The following FMN1 variants were observed in gnomAD, a reference collection of about 807,000 sequenced individuals.
The protein encoded by FMN1 is formin 1.
A neutral mutation model predicts 132.4 loss-of-function variants in FMN1; 110 were observed. That is an observed-to-expected ratio of 0.83 (90% confidence interval 0.71 to 0.97). The LOEUF is 0.97. FMN1 is among the 50% of genes least tolerant of loss of function. FMN1 has a pLI of 0.00. For missense variants in FMN1, 1,792 were observed against 1,705.3 expected (o/e 1.05, Z -0.90); for synonymous variants, 722 against 651.7 (o/e 1.11, Z -1.64).
At position 32,776,898 on chromosome 15, in the gene FMN1, T is replaced by C. The variant is rs1432020162; in HGVS notation, c.4152A>G (p.Ser1384=). ...TCTTCTCTGAAGTCAACTTGCTGAC[T>C]GATTCCTGAGCCATTTTCAATCTGA... ...SKERLKMAQE[S]VSKLTSEKKV... Residue 1384 remains serine, a synonymous_variant, in exon 20 of 21, where the codon TCA becomes TCG. Transcript: ENST00000616417. 1.3e-6 allele frequency: 2 copies of C among 1,593,074 alleles called. No individual in the cohort carries two copies. Among genetic ancestry groups the C allele is most frequent in the Admixed American group, 3.5e-5 (2 of 57,564 alleles).
At chr15:32,901,352 GAGA>G (rs1349020195) in intron 13 of FMN1, among the ~76,000 whole-genome samples, 1 of 152,190 alleles carries the variant, frequency 6.6e-6, no homozygotes, top group Non-Finnish European at 1.5e-5. Context: ...AGTATTTGTG[GAGA>G]AGAATAACGT....
chr15:32,867,868 C>T (rs1165603590), intron 16 of FMN1, among the ~76,000 whole-genome samples: 1 of 152,180 alleles, frequency 6.6e-6, no homozygotes, highest in East Asian at 1.9e-4. Flanking sequence ...ATACCTTTCC[C>T]CTTTTCATGA....
At chr15:33,125,036 C>T in intron 4 of FMN1, among the ~76,000 whole-genome samples, 1 of 152,106 alleles carries the variant, frequency 6.6e-6, no homozygotes, top group Non-Finnish European at 1.5e-5. Context: ...TCTACTCTAT[C>T]ATGGAATGCT....
chr15:33,107,761 TAATG>T (rs1411816998), intron 4 of FMN1, among the ~76,000 whole-genome samples: 1 of 152,132 alleles, frequency 6.6e-6, no homozygotes, highest in Admixed American at 6.6e-5. Context: ...TGAAACTAAA[TAATG>T]AATGAGTCTC....
chr15:33,084,592 T>C (rs1355475040), intron 5 of FMN1, among the ~76,000 whole-genome samples: 2 of 152,162 alleles, frequency 1.3e-5, no homozygotes, highest in Non-Finnish European at 2.9e-5. Flanking sequence ...TACACTTGGG[T>C]CTCAGAATGT....
chr15:33,072,529 G>C (rs957015627), intron 5 of FMN1, among the ~76,000 whole-genome samples: 2 of 152,208 alleles, frequency 1.3e-5, no homozygotes, highest in Middle Eastern at 3.2e-3. Context: ...AGTATTTGTG[G>C]AGAATTTACT....
intron 7 of FMN1, among the ~76,000 whole-genome samples, chr15:32,989,512 T>C (rs1345025960): frequency 1.3e-5 from 2 of 151,984 alleles, no homozygotes; most frequent in Non-Finnish European, 2.9e-5. Context: ...AAAACCATAA[T>C]AATTCCCCAC....
At chr15:33,135,171 T>C (rs977212991) in intron 4 of FMN1, among the ~76,000 whole-genome samples, 6 of 152,198 alleles carry the variant, frequency 3.9e-5, no homozygotes, top group Non-Finnish European at 8.8e-5. Flanking sequence ...AGTGTCAAAA[T>C]TCACACAAAA....
chr15:33,006,766 A>G (rs2034440061), intron 7 of FMN1, among the ~76,000 whole-genome samples: 1 of 152,208 alleles, frequency 6.6e-6, no homozygotes, highest in Non-Finnish European at 1.5e-5. Context: ...AGAGAACATT[A>G]TGTTACGTGA....
chr15:33,066,366 T>C, intron 5 of FMN1: 2 of 738,086 alleles, frequency 2.7e-6, no homozygotes, highest in East Asian at 5.5e-5. Flanking sequence ...CCATACTCCT[T>C]ACAGGACAAT....
chr15:32,947,424 T>C (rs1213759826), intron 9 of FMN1, among the ~76,000 whole-genome samples: 2 of 152,110 alleles, frequency 1.3e-5, no homozygotes, highest in African/African-American at 2.4e-5. Flanking sequence ...GCCACTCTAC[T>C]AGCTCTTATT....
At chr15:32,788,646 C>T (rs931529992) in intron 19 of FMN1, among the ~76,000 whole-genome samples, 2 of 152,180 alleles carry the variant, frequency 1.3e-5, no homozygotes, top group African/African-American at 4.8e-5. Flanking sequence ...AGGAGTCCCA[C>T]AGATAAGTAA....
intron 6 of FMN1, among the ~76,000 whole-genome samples, chr15:33,060,292 C>T (rs1302660670): frequency 6.6e-6 from 1 of 152,148 alleles, no homozygotes; most frequent in African/African-American, 2.4e-5. Context: ...GCTATGAATG[C>T]AGAAATTAAA....
At position 32,963,627 on chromosome 15, in the gene FMN1, C is replaced by A. The variant is rs1021118562; in HGVS notation, c.3138+480G>T. On this transcript the variant is annotated intron_variant, in intron 9 of 20. Coordinates refer to ENST00000616417, the MANE Select transcript of FMN1 (RefSeq NM_001277313.2). ...CTGCAGGCCTGGAACAAATGCCTAG[C>A]ATGGTAAACCCCTAGGAAATACTTG... 5.3e-5 allele frequency among the ~76,000 whole-genome samples: 8 copies of A among 152,138 alleles called. 1 individual carries two copies. Among genetic ancestry groups the A allele is most frequent in the Non-Finnish European group, 1.0e-4 (7 of 68,032 alleles).
At chr15:33,080,547 G>A (rs1595427720) in intron 5 of FMN1, among the ~76,000 whole-genome samples, 3 of 152,274 alleles carry the variant, frequency 2.0e-5, no homozygotes, top group Admixed American at 2.0e-4. Context: ...GACGTCAGGA[G>A]TTCAAGACCA....
At chr15:33,127,080 G>GT (rs1555405510) in intron 4 of FMN1, among the ~76,000 whole-genome samples, 3 of 152,202 alleles carry the variant, frequency 2.0e-5, no homozygotes, top group Non-Finnish European at 4.4e-5. Flanking sequence ...TCCAGGCACT[G>GT]TATCAGGAGC....
intron 9 of FMN1, among the ~76,000 whole-genome samples, chr15:32,930,527 T>C (rs1357682185): frequency 6.6e-6 from 1 of 152,168 alleles, no homozygotes; most frequent in Non-Finnish European, 1.5e-5. Context: ...TTATACATAT[T>C]GGCCATTTGT....
At chr15:32,895,360 GA>G (rs923547978) in intron 15 of FMN1, among the ~76,000 whole-genome samples, 53 of 138,200 alleles carry the variant, frequency 3.8e-4, no homozygotes, top group East Asian at 1.8e-3. Context: ...AAAGAGGAAG[GA>G]AAAAAAAAAA....
chr15:32,838,236 C>G (rs1358298180), intron 17 of FMN1, among the ~76,000 whole-genome samples: 1 of 150,666 alleles, frequency 6.6e-6, no homozygotes, highest in Non-Finnish European at 1.5e-5. Context: ...GGCAGACGCT[C>G]AAACCGAGGT....
Sources: allele counts gnomAD v4.1 joint callset (sites outside exome capture counted in the v4.1 genomes callset), GRCh38; gene constraint gnomAD v4.1.1; transcripts MANE v1.5; gene names NCBI Gene and HGNC (gene_info 2026-07-23, HGNC 2026-07-21).